Variants in PPP1R3A observed in about 807,000 individuals in gnomAD.
PPP1R3A encodes protein phosphatase 1 regulatory subunit 3A.
Under a neutral mutation model 41.7 loss-of-function variants are expected in PPP1R3A, and 29 were observed. The observed-to-expected ratio is 0.70, with a 90% CI of 0.52 to 0.95. PPP1R3A has a LOEUF of 0.95. PPP1R3A is among the 40% of genes least tolerant of loss of function. The pLI is 0.00. For missense variants in PPP1R3A, 1,352 were observed against 1,292.4 expected (o/e 1.05, Z -0.71); for synonymous variants, 485 against 453.4 (o/e 1.07, Z -0.89).
intron 1 of PPP1R3A, among the ~76,000 whole-genome samples, chr7:113,897,532 C>T (rs1355673115): frequency 6.7e-6 from 1 of 149,634 alleles, no homozygotes; most frequent in African/African-American, 2.5e-5. Flanking sequence ...GCAATCTAGC[C>T]TGAACAGCAG....
intron 1 of PPP1R3A, among the ~76,000 whole-genome samples, chr7:113,903,495 T>C (rs1797098671): frequency 6.6e-6 from 1 of 151,716 alleles, no homozygotes; most frequent in African/African-American, 2.4e-5. Flanking sequence ...CCCCAAAATA[T>C]GCCCTGTAAG....
At chr7:113,910,814 G>A (rs1375643925) in intron 1 of PPP1R3A, among the ~76,000 whole-genome samples, 5 of 152,022 alleles carry the variant, frequency 3.3e-5, no homozygotes, top group South Asian at 2.1e-4. Context: ...TAAATACCAC[G>A]GATGATATTC....
intron 1 of PPP1R3A, among the ~76,000 whole-genome samples, chr7:113,889,696 GA>G (rs1411480737): frequency 6.6e-6 from 1 of 152,096 alleles, no homozygotes; most frequent in Non-Finnish European, 1.5e-5. Flanking sequence ...CTGAACATAA[GA>G]AATGAATGTT....
chr7:113,908,692 G>A (rs1372012129), intron 1 of PPP1R3A, among the ~76,000 whole-genome samples: 3 of 151,684 alleles, frequency 2.0e-5, no homozygotes, highest in Non-Finnish European at 2.9e-5. Flanking sequence ...AGACACACTC[G>A]TAGATGTTAT....
chr7:113,888,467 T>A (rs1562920177), intron 1 of PPP1R3A, among the ~76,000 whole-genome samples: 1 of 152,200 alleles, frequency 6.6e-6, no homozygotes, highest in Non-Finnish European at 1.5e-5. Flanking sequence ...ATAGATTTTT[T>A]AATGCCCTTC....
intron 1 of PPP1R3A, among the ~76,000 whole-genome samples, chr7:113,889,799 A>G (rs1796847239): frequency 6.6e-6 from 1 of 152,164 alleles, no homozygotes; most frequent in Non-Finnish European, 1.5e-5. Flanking sequence ...TCATTTAACA[A>G]ATATTTAGTG....
At position 113,882,071 on chromosome 7, in the gene PPP1R3A, C is replaced by T. The variant is rs751055412; in HGVS notation, c.934G>A (p.Asp312Asn). 31 of 1,612,650 alleles carry T rather than the reference C, an allele frequency of 1.9e-5. No homozygotes were observed. The East Asian group carries it at 6.7e-4, about 35-fold the overall frequency. The change falls in exon 3 of 4, where the codon GAT becomes AAT. Residue 312 changes from aspartate to asparagine, a missense_variant. Physicochemically the swap from Asp to Asn is conservative, Grantham distance 23. Coordinates refer to ENST00000284601, the MANE Select transcript of PPP1R3A (RefSeq NM_002711.4). ...TCTAATTCTTTTTCATTATGTTCAT[C>T]ATGTTCCCTGTTTACATCTTTTACA... Reference protein sequence around the residue: ...RNVKDVNREHDEHNEKELELM... With the variant: ...RNVKDVNREHNEHNEKELELM...
intron 1 of PPP1R3A, among the ~76,000 whole-genome samples, chr7:113,896,850 T>A (rs1178396572): frequency 2.0e-5 from 3 of 147,490 alleles, no homozygotes; most frequent in Non-Finnish European, 4.4e-5. Flanking sequence ...AATAGACACA[T>A]TCCCTTTTGA....
chr7:113,916,135 A>C (rs1248830197), intron 1 of PPP1R3A, among the ~76,000 whole-genome samples: 1 of 151,996 alleles, frequency 6.6e-6, no homozygotes, highest in East Asian at 1.9e-4. Context: ...TTTTTTCAAA[A>C]TGTGGTTCGA....
chr7:113,894,516 C>A (rs1377199805), intron 1 of PPP1R3A, among the ~76,000 whole-genome samples: 1 of 151,870 alleles, frequency 6.6e-6, no homozygotes, highest in Non-Finnish European at 1.5e-5. Flanking sequence ...CTTGCCACCT[C>A]AGAAGTCTTA....
chr7:113,877,011 C>T lies in PPP1R3A; in HGVS notation c.*712G>A, dbSNP rs1477835080. ...ACAAGAGAAAAGCATTGCTTAAAGA[C>T]AGGCCACCCACAGAATTTTTCAGAA... On this transcript the variant is annotated 3_prime_UTR_variant, in exon 4 of 4. Transcript: ENST00000284601. 1 of 151,906 alleles carries T rather than the reference C, an allele frequency of 6.6e-6. No individual in the cohort carries two copies. Among genetic ancestry groups the T allele is most frequent in the African/African-American group, 2.4e-5 (1 of 41,396 alleles). The allele number at this position is 151,906 out of a possible 1,614,324, so 9.4% of individuals were successfully genotyped here.
rs140543337 is a variant in PPP1R3A, at chr7:113,878,411, G to C, written c.2681C>G (p.Ser894Trp). ...QVQELSKKTD[S>W]DAIVHSAFNS... ...AAAAGCAGAATGCACAATGGCATCC[G>C]AGTCTGTTTTCTTTGATAATTCTTG... is the stretch of plus-strand genomic sequence containing the variant. The change falls in exon 4 of 4, where the codon TCG becomes TGG. Residue 894 changes from serine (S) to tryptophan (W), a missense_variant. Physicochemically the swap from Ser to Trp is radical, Grantham distance 177. Coordinates refer to ENST00000284601, the MANE Select transcript of PPP1R3A (RefSeq NM_002711.4). 12 of 1,611,532 alleles carry C rather than the reference G, an allele frequency of 7.4e-6. No individual in the cohort carries two copies. Among genetic ancestry groups the C allele is most frequent in the Non-Finnish European group, 9.3e-6 (11 of 1,179,628 alleles).
Position 113,879,808 on chromosome 7 carries a change from C to T in PPP1R3A, c.1284G>A (p.Val428=). The T allele has an allele frequency of 6.2e-7, 1 of 1,613,520 alleles. No individual in the cohort carries two copies. The highest frequency in any genetic ancestry group is 8.5e-7 in the Non-Finnish European group (1 of 1,179,680). The change falls in exon 4 of 4, where the codon GTG becomes GTA. Residue 428 remains valine, a synonymous_variant. Coordinates refer to ENST00000284601, the MANE Select transcript of PPP1R3A (RefSeq NM_002711.4). ...CTTCTTTGCTGCCAGTATGTAATTG[C>T]ACTAGTTCATCACTACTAGTATCTC... ...SLGDTSSDEL[V]QLHTGSKEVL... is the part of the protein sequence containing the mutation.
intron 1 of PPP1R3A, among the ~76,000 whole-genome samples, chr7:113,916,576 C>T (rs1458060656): frequency 6.6e-6 from 1 of 151,980 alleles, no homozygotes. Context: ...GCAGAAAAAT[C>T]CGCTGAGTTC....
intron 1 of PPP1R3A, among the ~76,000 whole-genome samples, chr7:113,917,787 A>T (rs566367172): frequency 6.6e-6 from 1 of 152,144 alleles, no homozygotes; most frequent in Non-Finnish European, 1.5e-5. Context: ...CAAATTTCTG[A>T]GAACTAGATA....
At chr7:113,906,512 G>A (rs747791435) in intron 1 of PPP1R3A, among the ~76,000 whole-genome samples, 30 of 151,736 alleles carry the variant, frequency 2.0e-4, no homozygotes, top group African/African-American at 7.2e-4. Flanking sequence ...GAAGAAATAG[G>A]ATTGGGGGAT....
In PPP1R3A at chr7:113,882,133, T is replaced by C. The variant is rs1054166176; in HGVS notation, c.872A>G (p.His291Arg). The C allele has an allele frequency of 6.2e-7, 1 of 1,611,702 alleles. No homozygotes were observed. Among genetic ancestry groups the C allele is most frequent in the Admixed American group, 1.7e-5 (1 of 59,854 alleles). The change falls in exon 3 of 4, where the codon CAT becomes CGT. Residue 291 changes from histidine to arginine, a missense_variant. Coordinates refer to ENST00000284601, the MANE Select transcript of PPP1R3A (RefSeq NM_002711.4). ...GGCTTCCAAATCTTCCTTGTCCTCA[T>C]GAGAACAAATGATTGTTGGGATATA... ...DTYIPTIICS[H>R]EDKEDLEASN...
chr7:113,878,777 G>A lies in PPP1R3A; in HGVS notation c.2315C>T (p.Ala772Val), dbSNP rs200605903. The part of the protein sequence containing the change: ...SDRPIEVKET[A>V]FDPHEGRNDD... ...ATTTCTCCCTTCATGTGGATCAAAC[G>A]CTGTTTCCTTTACCTCGATGGGCCT... The change falls in exon 4 of 4, where the codon GCG (alanine) becomes GTG (valine). Residue 772 changes from alanine (A) to valine (V), a missense_variant. Physicochemically the swap from Ala to Val is moderately conservative, Grantham distance 64. Coordinates refer to ENST00000284601, the MANE Select transcript of PPP1R3A (RefSeq NM_002711.4). The A allele has an allele frequency of 3.1e-4, 498 of 1,613,374 alleles. No individual in the cohort carries two copies. The highest frequency in any genetic ancestry group is 4.0e-4 in the Non-Finnish European group (474 of 1,179,720).
chr7:113,908,489 T>C (rs1370403705), intron 1 of PPP1R3A, among the ~76,000 whole-genome samples: 4 of 151,928 alleles, frequency 2.6e-5, no homozygotes, highest in Non-Finnish European at 5.9e-5. Flanking sequence ...TATTCATTGA[T>C]AGAACAAATA....
Sources: gnomAD v4.1 joint callset for allele counts (sites outside exome capture counted in the v4.1 genomes callset) on GRCh38, gnomAD v4.1.1 for gene constraint, MANE v1.5 for transcripts, NCBI Gene and HGNC (gene_info 2026-07-23, HGNC 2026-07-21) for gene names.